The following METAP1 variants were observed in gnomAD, a reference collection of about 807,000 sequenced individuals.
The protein encoded by METAP1 is methionine aminopeptidase 1.
METAP1 carries 28 observed loss-of-function variants against 53.8 expected under a neutral mutation model. That is an observed-to-expected ratio of 0.52 (90% CI 0.39 to 0.71). The LOEUF (loss-of-function observed/expected upper bound fraction) is 0.71. METAP1 is among the 30% of genes least tolerant of loss of function. The pLI is 0.00. For missense variants in METAP1, 389 were observed against 479.8 expected, an observed-to-expected ratio of 0.81 and a Z score of 1.77; for synonymous variants, 181 against 165.7, an observed-to-expected ratio of 1.09 and a Z score of -0.71.
chr4:99,039,608 T>A, intron 5 of METAP1, 143 bp downstream of exon 5: 1 of 533,788 alleles, frequency 1.9e-6, no homozygotes, highest in Non-Finnish European at 3.2e-6. Context: ...TTTAACTTTT[T>A]TTTGAGACAG....
At chr4:99,035,964 A>T in intron 4 of METAP1, 1 of 154,526 alleles carries the variant, frequency 6.5e-6, no homozygotes. Flanking sequence ...GCACTGTGCT[A>T]AGTTCTTTGC....
intron 3 of METAP1, 88 bp from the exon 4 acceptor site, chr4:99,035,312 C>A: frequency 1.1e-6 from 1 of 907,532 alleles, no homozygotes; most frequent in Non-Finnish European, 1.7e-6. Context: ...CCATTTAAAA[C>A]TTCTAAAAAC....
At chr4:99,037,106 A>C (rs937417665) in intron 4 of METAP1, among the ~76,000 whole-genome samples, 1 of 151,888 alleles carries the variant, frequency 6.6e-6, no homozygotes, top group East Asian at 1.9e-4. Flanking sequence ...AAAGTCATTT[A>C]TATTTTCTTC....
At chr4:99,054,362 T>C (rs1020334312) in intron 9 of METAP1, among the ~76,000 whole-genome samples, 1 of 152,312 alleles carries the variant, frequency 6.6e-6, no homozygotes, top group African/African-American at 2.4e-5. Flanking sequence ...CTTTCAACTT[T>C]TCTTCTGCAG....
intron 1 of METAP1, among the ~76,000 whole-genome samples, chr4:98,999,434 A>T (rs1722814332): frequency 6.6e-6 from 1 of 150,976 alleles, no homozygotes; most frequent in African/African-American, 2.4e-5. Flanking sequence ...AGTAAACTTA[A>T]TGAATGTTAG....
At chr4:99,025,077 G>A (rs937845182) in intron 1 of METAP1, among the ~76,000 whole-genome samples, 5 of 152,352 alleles carry the variant, frequency 3.3e-5, no homozygotes, top group East Asian at 3.9e-4. Flanking sequence ...GGCTCCACCC[G>A]GTAATGCGGT....
At chr4:99,043,482 G>C (rs1726017696) in intron 7 of METAP1, 95 bp downstream of exon 7, 7 of 1,292,588 alleles carry the variant, frequency 5.4e-6, no homozygotes, top group Non-Finnish European at 6.4e-6. Flanking sequence ...CTTGCTTCCT[G>C]TACTTAAACT....
At chr4:99,002,798 G>C (rs934551179) in intron 1 of METAP1, among the ~76,000 whole-genome samples, 4 of 152,218 alleles carry the variant, frequency 2.6e-5, no homozygotes, top group Non-Finnish European at 5.9e-5. Context: ...GTTAAGGCCA[G>C]GCGCCGTGGC....
At chr4:99,031,101 G>GTTTTTTTTTT (rs56082818) in intron 2 of METAP1, among the ~76,000 whole-genome samples, 66 of 109,856 alleles carry the variant, frequency 6.0e-4, no homozygotes, top group Non-Finnish European at 6.5e-4. Flanking sequence ...CTCAAAGGTA[G>GTTTTTTTTTT]TTTTTTTTTT....
intron 3 of METAP1, among the ~76,000 whole-genome samples, chr4:99,034,723 C>A (rs1725305032): frequency 6.6e-6 from 1 of 152,208 alleles, no homozygotes; most frequent in African/African-American, 2.4e-5. Context: ...TAAAGTCAAC[C>A]TTCCGTATCA....
At chr4:99,004,299 G>C (rs1352218232) in intron 1 of METAP1, among the ~76,000 whole-genome samples, 5 of 152,104 alleles carry the variant, frequency 3.3e-5, no homozygotes, top group African/African-American at 1.2e-4. Flanking sequence ...CAAAGGTGGG[G>C]GTTAGACACT....
chr4:99,062,775 T>C lies in METAP1; in HGVS notation c.*1458T>C, dbSNP rs1340067863. The C allele has an allele frequency of 6.6e-6, 1 of 152,654 alleles. No homozygotes were observed. The highest frequency in any genetic ancestry group is 2.4e-5 in the African/African-American group (1 of 41,448). 9.5% of individuals were successfully genotyped at this position (152,654 alleles called of 1,614,324 possible). ...GCAATATGAATGTTAATATAATGTGTAAAGGGAGATTAAAAAGTTTGAATG... is the reference window on the plus strand; with the variant it reads ...GCAATATGAATGTTAATATAATGTGCAAAGGGAGATTAAAAAGTTTGAATG... On this transcript the variant is annotated 3_prime_UTR_variant, in exon 11 of 11. Coordinates refer to ENST00000296411, the MANE Select transcript of METAP1 (RefSeq NM_015143.3).
At chr4:98,997,807 A>G (rs1431020788) in intron 1 of METAP1, among the ~76,000 whole-genome samples, 3 of 152,146 alleles carry the variant, frequency 2.0e-5, no homozygotes, top group African/African-American at 7.2e-5. Flanking sequence ...ACATGCACTC[A>G]AATATTCCCA....
intron 1 of METAP1, among the ~76,000 whole-genome samples, chr4:98,999,112 T>G (rs1371725210): frequency 3.9e-4 from 60 of 152,206 alleles, no homozygotes; most frequent in Non-Finnish European, 6.6e-4. Flanking sequence ...CGGCCGAGAA[T>G]GTCTGTTTTT....
chr4:99,021,576 A>G (rs970407619), intron 1 of METAP1, among the ~76,000 whole-genome samples: 5 of 152,138 alleles, frequency 3.3e-5, no homozygotes, highest in African/African-American at 7.2e-5. Flanking sequence ...CAGCAAGGCT[A>G]GTTTACTTTC....
At chr4:99,045,931 A>G (rs1048204219) in intron 8 of METAP1, among the ~76,000 whole-genome samples, 2 of 152,192 alleles carry the variant, frequency 1.3e-5, no homozygotes, top group African/African-American at 4.8e-5. Flanking sequence ...TTTAATGGCT[A>G]TGTATTATAT....
chr4:99,031,038 C>A (rs972172086), intron 2 of METAP1, among the ~76,000 whole-genome samples: 3 of 147,586 alleles, frequency 2.0e-5, no homozygotes, highest in Middle Eastern at 3.7e-3. Flanking sequence ...ATCATAGAAG[C>A]TTAATTTTCT....
chr4:99,051,689 C>A (rs1027430522), intron 9 of METAP1, among the ~76,000 whole-genome samples: 1 of 152,032 alleles, frequency 6.6e-6, no homozygotes, highest in African/African-American at 2.4e-5. Context: ...CCACACCCAG[C>A]CTTATATATT....
intron 8 of METAP1, 59 bp downstream of exon 8, chr4:99,045,369 C>T (rs1467097420): frequency 2.0e-5 from 32 of 1,589,696 alleles, no homozygotes; most frequent in African/African-American, 2.7e-5. Flanking sequence ...CCAAGAATGA[C>T]TGGGCGCTGC....
Sources: gnomAD v4.1 joint callset for allele counts (sites outside exome capture counted in the v4.1 genomes callset) on GRCh38, gnomAD v4.1.1 for gene constraint, MANE v1.5 for transcripts, NCBI Gene and HGNC (gene_info 2026-07-23, HGNC 2026-07-21) for gene names.